CDS1: variants seen among roughly 807,000 people sequenced by gnomAD.
CDS1 encodes CDP-diacylglycerol synthase 1.
A neutral mutation model predicts 62.1 loss-of-function variants in CDS1; 41 were observed. That is an observed-to-expected ratio of 0.66 (90% confidence interval 0.51 to 0.86). The LOEUF (loss-of-function observed/expected upper bound fraction) is 0.86. CDS1 is among the 40% of genes least tolerant of loss of function. The pLI is 0.00. For synonymous variants in CDS1, 185 were observed against 192.6 expected, an observed-to-expected ratio of 0.96 and a Z score of 0.32; for missense variants, 470 against 550.1, an observed-to-expected ratio of 0.85 and a Z score of 1.46.
Position 84,604,374 on chromosome 4 carries a change from T to C in CDS1, c.245+4T>C, listed in dbSNP as rs368272732. The C allele has an allele frequency of 1.1e-5, 18 of 1,612,036 alleles. No homozygotes were observed. The African/African-American group carries it at 2.0e-4, about 18-fold the overall frequency. On this transcript the variant is annotated splice_donor_region_variant and intron_variant, in intron 2 of 12. Transcript: ENST00000295887. ...CTCTATCTGGTTTATCTTCAAGGTA[T>C]GATTGGATGAAGATGAGTATATCTT... is the stretch of plus-strand genomic sequence containing the variant.
chr4:84,628,746 G>A (rs1438353895), intron 5 of CDS1, among the ~76,000 whole-genome samples: 2 of 152,096 alleles, frequency 1.3e-5, no homozygotes, highest in Non-Finnish European at 2.9e-5. Context: ...TGTTGCACAG[G>A]CTGGTCTTGA....
At chr4:84,632,070 A>G (rs541356493) in intron 6 of CDS1, among the ~76,000 whole-genome samples, 193 bp downstream of exon 6, 6 of 152,264 alleles carry the variant, frequency 3.9e-5, no homozygotes, top group Admixed American at 3.9e-4. Flanking sequence ...TAAAATTTTA[A>G]CTGTTTTCAA....
chr4:84,610,489 T>TCATTCGTGTACC (rs1326271204), intron 3 of CDS1, among the ~76,000 whole-genome samples: 4 of 152,166 alleles, frequency 2.6e-5, no homozygotes, highest in Non-Finnish European at 5.9e-5. Context: ...AACCCTTCAT[T>TCATTCGTGTACC]CATTCGTGTA....
chr4:84,599,901 G>C (rs1189824466), intron 1 of CDS1, among the ~76,000 whole-genome samples: 1 of 152,058 alleles, frequency 6.6e-6, no homozygotes, highest in African/African-American at 2.4e-5. Context: ...AAATACCTAG[G>C]AGTGAAATGG....
At chr4:84,616,395 A>G (rs538631365) in intron 3 of CDS1, among the ~76,000 whole-genome samples, 19 of 152,344 alleles carry the variant, frequency 1.2e-4, no homozygotes, top group African/African-American at 4.3e-4. Flanking sequence ...TAACTTAAAA[A>G]TACCCTGAAT....
At chr4:84,639,041 C>T in intron 9 of CDS1, 49 bp downstream of exon 9, 1 of 846,992 alleles carries the variant, frequency 1.2e-6, no homozygotes, top group Non-Finnish European at 1.8e-6. Context: ...AAATATGATA[C>T]CAAGCTTACT....
intron 5 of CDS1, among the ~76,000 whole-genome samples, chr4:84,625,225 A>T (rs1723819585): frequency 6.6e-6 from 1 of 152,110 alleles, no homozygotes; most frequent in Non-Finnish European, 1.5e-5. Flanking sequence ...ACCATTTCTT[A>T]TTTTACACTC....
intron 1 of CDS1, among the ~76,000 whole-genome samples, chr4:84,596,089 A>C (rs17375853): frequency 0.039 from 5,945 of 152,208 alleles, 141 homozygotes; most frequent in South Asian, 0.052. Flanking sequence ...GAGAGATGAC[A>C]GTCATAATTC....
Position 84,624,294 on chromosome 4 carries a change from A to AC in CDS1, c.580+4761_580+4762insC, listed in dbSNP as rs201010203. Reference sequence around the variant, plus strand: ...GTCTCAAAAAAAAAAAAACAAACAAAAAAAAAAAAACTAGTTTTTTTTTTT... The same window carrying AC: ...GTCTCAAAAAAAAAAAAACAAACAAACAAAAAAAAAACTAGTTTTTTTTTTT... On this transcript the variant is annotated intron_variant, in intron 5 of 12. Coordinates refer to ENST00000295887, the MANE Select transcript of CDS1 (RefSeq NM_001263.4). 5.4e-3 allele frequency among the ~76,000 whole-genome samples: 810 copies of AC among 150,618 alleles called. 12 individuals carry two copies. The highest frequency in any genetic ancestry group is 0.019 in the African/African-American group (770 of 40,938).
At chr4:84,588,073 C>A (rs577394308) in intron 1 of CDS1, among the ~76,000 whole-genome samples, 1 of 152,148 alleles carries the variant, frequency 6.6e-6, no homozygotes. Context: ...CAAAATATGT[C>A]AAAGAAGTAT....
chr4:84,607,894 A>C (rs955993939), intron 2 of CDS1, among the ~76,000 whole-genome samples: 1 of 152,244 alleles, frequency 6.6e-6, no homozygotes, highest in Non-Finnish European at 1.5e-5. Context: ...GACAATTCTA[A>C]ATATAGAAGT....
intron 5 of CDS1, among the ~76,000 whole-genome samples, chr4:84,625,322 T>G (rs1723822272): frequency 6.6e-6 from 1 of 152,166 alleles, no homozygotes; most frequent in Non-Finnish European, 1.5e-5. Context: ...ATACTGTGAA[T>G]GATGTTGAGG....
chr4:84,637,855 C>G (rs889862286), intron 8 of CDS1, among the ~76,000 whole-genome samples: 1 of 152,124 alleles, frequency 6.6e-6, no homozygotes, highest in Non-Finnish European at 1.5e-5. Flanking sequence ...GAATTTGAGT[C>G]TGCTCCTACT....
chr4:84,587,245 T>C (rs1722447504), intron 1 of CDS1, among the ~76,000 whole-genome samples: 1 of 152,160 alleles, frequency 6.6e-6, no homozygotes, highest in Non-Finnish European at 1.5e-5. Context: ...ATTTGGTATA[T>C]ATACAATTAA....
intron 1 of CDS1, among the ~76,000 whole-genome samples, chr4:84,585,001 C>T (rs1240103229): frequency 2.0e-5 from 3 of 152,224 alleles, no homozygotes; most frequent in African/African-American, 7.2e-5. Context: ...ATACCAGCTT[C>T]TCTATGCTGA....
chr4:84,610,072 A>G (rs1723270763), intron 3 of CDS1, among the ~76,000 whole-genome samples: 2 of 152,184 alleles, frequency 1.3e-5, no homozygotes, highest in South Asian at 4.1e-4. Flanking sequence ...TATTAGCTAG[A>G]TCCCTGATTT....
chr4:84,594,386 G>A (rs1722685742), intron 1 of CDS1, among the ~76,000 whole-genome samples: 1 of 152,120 alleles, frequency 6.6e-6, no homozygotes, highest in East Asian at 1.9e-4. Flanking sequence ...GGTAATGAAA[G>A]TTGTCTCAGA....
intron 12 of CDS1, among the ~76,000 whole-genome samples, chr4:84,647,967 G>A (rs1560486322): frequency 6.6e-6 from 1 of 151,988 alleles, no homozygotes. Flanking sequence ...CTTTTATTTT[G>A]TTTTTTATAT....
At chr4:84,590,170 A>C (rs1722550071) in intron 1 of CDS1, among the ~76,000 whole-genome samples, 1 of 152,138 alleles carries the variant, frequency 6.6e-6, no homozygotes, top group Non-Finnish European at 1.5e-5. Context: ...ACAATATAAC[A>C]ATTTGGGGTT....
Sources: gnomAD v4.1 joint callset for allele counts (sites outside exome capture counted in the v4.1 genomes callset) on GRCh38, gnomAD v4.1.1 for gene constraint, MANE v1.5 for transcripts, NCBI Gene and HGNC (gene_info 2026-07-23, HGNC 2026-07-21) for gene names.